Variants in TMEM132B observed in about 807,000 individuals in gnomAD.
The protein encoded by TMEM132B is transmembrane protein 132B.
In TMEM132B, 18 loss-of-function variants were observed where a neutral mutation model predicts 90.8. The observed-to-expected ratio is 0.20, with a 90% CI of 0.14 to 0.29. TMEM132B has a LOEUF of 0.29. Among genes scored for constraint, TMEM132B ranks in the 10% least tolerant of loss-of-function variants. TMEM132B has a pLI of 1.00. For missense variants in TMEM132B, 1,096 were observed against 1,326.8 expected, an observed-to-expected ratio of 0.83 and a Z score of 2.70; for synonymous variants, 504 against 523.3, an observed-to-expected ratio of 0.96 and a Z score of 0.50.
intron 1 of TMEM132B, among the ~76,000 whole-genome samples, chr12:125,256,626 T>A (rs1874445469): frequency 6.6e-6 from 1 of 152,242 alleles, no homozygotes; most frequent in Non-Finnish European, 1.5e-5. Context: ...ACAGAAAACA[T>A]TTGCCCACAC....
chr12:125,551,666 G>T (rs943353654), intron 4 of TMEM132B, among the ~76,000 whole-genome samples: 1 of 149,708 alleles, frequency 6.7e-6, no homozygotes, highest in Non-Finnish European at 1.5e-5. Flanking sequence ...CGTTGTATTG[G>T]TTTGCTACTT....
intron 1 of TMEM132B, among the ~76,000 whole-genome samples, chr12:125,228,543 C>G (rs1226765457): frequency 6.6e-6 from 1 of 152,178 alleles, no homozygotes; most frequent in African/African-American, 2.4e-5. Context: ...GATTGGAAAA[C>G]ACAGGGAGGA....
At chr12:125,353,101 A>C (rs1192445099) in intron 2 of TMEM132B, among the ~76,000 whole-genome samples, 1 of 152,232 alleles carries the variant, frequency 6.6e-6, no homozygotes, top group Non-Finnish European at 1.5e-5. Context: ...AGAATGGCCA[A>C]GGGATGGCTT....
At position 125,490,864 on chromosome 12, in the gene TMEM132B, A is replaced by G. The variant is rs114513105; in HGVS notation, c.1107-28575A>G. On this transcript the variant is annotated intron_variant, in intron 3 of 8. Transcript: ENST00000682704. This position sits in a 1 kb window ranked among gnomAD's most constrained non-coding sequence, Gnocchi z 4.2. ...TGCCACTTAAAAGACTAGGTCTCAA[A>G]AAGCATTGCACTTTCTTCCTTGCTG... 6.8e-3 allele frequency among the ~76,000 whole-genome samples: 1,040 copies of G among 152,334 alleles called. 19 individuals are homozygous for G. The highest frequency in any genetic ancestry group is 0.024 in the African/African-American group (998 of 41,568).
At chr12:125,243,032 T>TATATATATATATATATATATATATAC (rs1215676534) in intron 1 of TMEM132B, among the ~76,000 whole-genome samples, 32 of 135,000 alleles carry the variant, frequency 2.4e-4, no homozygotes, top group Non-Finnish European at 4.8e-4. Context: ...TATATATATA[T>TATATATATATATATATATATATATAC]ACACACACAC....
chr12:125,296,414 C>T (rs1875674053), intron 1 of TMEM132B, among the ~76,000 whole-genome samples: 1 of 152,170 alleles, frequency 6.6e-6, no homozygotes, highest in Non-Finnish European at 1.5e-5. Context: ...CCAGGATGGC[C>T]TTCCGGGACC....
At chr12:125,279,879 T>TGTATCA (rs1305889869) in intron 1 of TMEM132B, among the ~76,000 whole-genome samples, 1 of 152,238 alleles carries the variant, frequency 6.6e-6, no homozygotes, top group Non-Finnish European at 1.5e-5. Context: ...TAATGATACA[T>TGTATCA]GTATCAGTGA....
At chr12:125,602,198 G>A (rs1374929162) in intron 5 of TMEM132B, among the ~76,000 whole-genome samples, 2 of 152,142 alleles carry the variant, frequency 1.3e-5, no homozygotes, top group Admixed American at 6.5e-5. Context: ...GATGAACATC[G>A]ATGTGAAAAT....
chr12:125,236,497 A>G (rs1209311813), intron 1 of TMEM132B, among the ~76,000 whole-genome samples: 1 of 152,196 alleles, frequency 6.6e-6, no homozygotes, highest in Non-Finnish European at 1.5e-5. Context: ...TTGTTGGGGT[A>G]GACCACATTC....
At chr12:125,542,025 C>CAAAAAAAAAAA (rs71306285) in intron 4 of TMEM132B, among the ~76,000 whole-genome samples, 1 of 23,302 alleles carries the variant, frequency 4.3e-5, no homozygotes, top group Admixed American at 6.2e-4. Flanking sequence ...ACCCCCGTCT[C>CAAAAAAAAAAA]AAAAAAAAAA....
At chr12:125,253,018 C>A (rs765977278) in intron 1 of TMEM132B, among the ~76,000 whole-genome samples, 2 of 152,122 alleles carry the variant, frequency 1.3e-5, no homozygotes, top group Non-Finnish European at 2.9e-5. Context: ...CCCGTGGAGC[C>A]GGGAGGGAAT....
chr12:125,584,166 A>G lies in TMEM132B; in HGVS notation c.1437+172A>G, dbSNP rs1446210771. 4.6e-6 allele frequency: 4 copies of G among 865,240 alleles called. No individual in the cohort carries two copies. In the African/African-American group the frequency reaches 5.0e-5, roughly 11 times the overall value. 53.6% of individuals were successfully genotyped at this position (865,240 alleles called of 1,614,324 possible). A position where few individuals can be genotyped will look rare whatever the true frequency, so the allele number is the denominator to read the frequency against. On this transcript the variant is annotated intron_variant, in intron 5 of 8. Transcript: ENST00000682704. ...ACCGCAGAGACTCCCTGGAATCAGC[A>G]GGCGGCTGCAGCAGGTGATGCTGCT...
chr12:125,344,538 G>A lies in TMEM132B; in HGVS notation c.68-4914G>A, dbSNP rs144495674. 4.4e-3 allele frequency among the ~76,000 whole-genome samples: 663 copies of A among 152,270 alleles called. 3 individuals are homozygous for A. Among genetic ancestry groups the A allele is most frequent in the Non-Finnish European group, 7.7e-3 (521 of 68,004 alleles). On this transcript the variant is annotated intron_variant, in intron 1 of 8. Transcript: ENST00000682704. ...TTTATATGGGGTTAGAACCACAGAG[G>A]AGATGCAGTTTCTGCCAGTGAATGC...
intron 1 of TMEM132B, among the ~76,000 whole-genome samples, chr12:125,279,531 C>T (rs1383237021): frequency 6.6e-6 from 1 of 152,146 alleles, no homozygotes; most frequent in Non-Finnish European, 1.5e-5. Context: ...ATGGGCTTCC[C>T]GGGACAGAAA....
At chr12:125,236,935 G>A (rs1461730195) in intron 1 of TMEM132B, among the ~76,000 whole-genome samples, 2 of 152,256 alleles carry the variant, frequency 1.3e-5, no homozygotes, top group Non-Finnish European at 2.9e-5. Context: ...TGGTGCGGGA[G>A]CAGGAGTGGA....
chr12:125,613,138 TATATA>T (rs896814227), intron 5 of TMEM132B, among the ~76,000 whole-genome samples: 2 of 113,452 alleles, frequency 1.8e-5, no homozygotes, highest in African/African-American at 7.3e-5. Context: ...TTATATATTA[TATATA>T]AATATATATC....
intron 1 of TMEM132B, among the ~76,000 whole-genome samples, chr12:125,336,355 C>G (rs1450495445): frequency 6.6e-6 from 1 of 152,136 alleles, no homozygotes; most frequent in Non-Finnish European, 1.5e-5. Context: ...AGTGTTCCAC[C>G]CAACACAGGT....
intron 4 of TMEM132B, among the ~76,000 whole-genome samples, chr12:125,532,800 C>T (rs1260099827): frequency 1.3e-5 from 2 of 152,080 alleles, no homozygotes; most frequent in Admixed American, 1.3e-4. Context: ...CAGGCGTGAA[C>T]CACCACACCC....
chr12:125,531,273 C>T (rs1487187454), intron 4 of TMEM132B, among the ~76,000 whole-genome samples: 1 of 152,178 alleles, frequency 6.6e-6, no homozygotes, highest in Non-Finnish European at 1.5e-5. Context: ...GCAGCCTTAA[C>T]CTCCAAGGCT....
Sources: gnomAD v4.1 joint callset for allele counts (sites outside exome capture counted in the v4.1 genomes callset) on GRCh38, gnomAD v4.1.1 for gene constraint, Gnocchi (gnomAD v3.1) non-coding constraint, MANE v1.5 for transcripts, NCBI Gene and HGNC (gene_info 2026-07-23, HGNC 2026-07-21) for gene names.